The following MKLN1 variants were observed in gnomAD, a reference collection of about 807,000 sequenced individuals.
MKLN1 encodes muskelin 1.
In MKLN1, 18 loss-of-function variants were observed where a neutral mutation model predicts 99.0. The ratio of observed to expected loss-of-function variants is 0.18; its 90% CI spans 0.13 to 0.27. The LOEUF is 0.27. Among genes scored for constraint, MKLN1 ranks in the 10% least tolerant of loss-of-function variants. The pLI, the probability that MKLN1 is intolerant of heterozygous loss-of-function variation, is 1.00. For missense variants in MKLN1, 621 were observed against 875.9 expected (o/e 0.71, Z 3.67); for synonymous variants, 288 against 293.2 (o/e 0.98, Z 0.18).
intron 1 of MKLN1, among the ~76,000 whole-genome samples, chr7:131,135,288 A>G (rs1795631855): frequency 6.6e-6 from 1 of 151,932 alleles, no homozygotes; most frequent in Admixed American, 6.6e-5. Context: ...ACGCCCGGCT[A>G]ATTTTTGTAT....
In MKLN1 at chr7:131,217,593, G is replaced by A. The variant is rs566338173; in HGVS notation, c.-179+14619G>A. 5.3e-5 allele frequency among the ~76,000 whole-genome samples: 8 copies of A among 152,370 alleles called. No homozygotes were observed. In the South Asian group the frequency reaches 1.7e-3, roughly 32 times the overall value. ...GGCACCTGTAATCCCGGCTACTCAG[G>A]AGGCTGAGGCAGGCAAATTGCTTGA... On this transcript the variant is annotated intron_variant, in intron 3 of 7. Coordinates refer to the MKLN1 transcript ENST00000416992.
At chr7:131,480,194 T>C (rs2116683147) in intron 17 of MKLN1, among the ~76,000 whole-genome samples, 1 of 152,336 alleles carries the variant, frequency 6.6e-6, no homozygotes, top group African/African-American at 2.4e-5. Flanking sequence ...TTTCCTCTGG[T>C]CAGTGAATGC....
chr7:131,472,618 G>GTT (rs2116649682), intron 16 of MKLN1, among the ~76,000 whole-genome samples: 1 of 152,150 alleles, frequency 6.6e-6, no homozygotes, highest in African/African-American at 2.4e-5. Flanking sequence ...GTGTGTGTGT[G>GTT]TGTGTGTTGG....
chr7:131,475,628 A>G (rs1167000548), intron 16 of MKLN1, among the ~76,000 whole-genome samples: 1 of 152,160 alleles, frequency 6.6e-6, no homozygotes, highest in Admixed American at 6.5e-5. Context: ...CTTGGGCAAC[A>G]TAGCAAAAAC....
At chr7:131,245,775 A>C (rs933808478) in intron 3 of MKLN1, among the ~76,000 whole-genome samples, 1 of 152,210 alleles carries the variant, frequency 6.6e-6, no homozygotes, top group African/African-American at 2.4e-5. Flanking sequence ...AGTGCACTCT[A>C]TGATGTTCAA....
At chr7:131,185,569 T>A (rs1033023497) in intron 2 of MKLN1, among the ~76,000 whole-genome samples, 2 of 151,400 alleles carry the variant, frequency 1.3e-5, no homozygotes, top group Admixed American at 6.6e-5. Context: ...CAGAGCAAGA[T>A]TCCATCTCAA....
At position 131,425,208 on chromosome 7, in the gene MKLN1, G is replaced by C. The variant is rs116781040; in HGVS notation, c.848-3825G>C. Among the ~76,000 whole-genome samples, 587 of 152,248 alleles carry C rather than the reference G, an allele frequency of 3.9e-3. 7 individuals carry two copies. Among genetic ancestry groups the C allele is most frequent in the African/African-American group, 0.014 (564 of 41,522 alleles). ...ATTGTAGCCAAGATCTGCCTGACTA[G>C]AGTACATGTTCATTAAAACACTTTT... is the stretch of plus-strand genomic sequence containing the variant. On this transcript the variant is annotated intron_variant, in intron 8 of 17. Coordinates refer to ENST00000352689, the MANE Select transcript of MKLN1 (RefSeq NM_013255.5).
intron 1 of MKLN1, among the ~76,000 whole-genome samples, chr7:131,132,125 T>C (rs1057386185): frequency 6.6e-6 from 1 of 152,228 alleles, no homozygotes; most frequent in Non-Finnish European, 1.5e-5. Context: ...TAAAAGTCAA[T>C]TGTGTAAATG....
At chr7:131,301,986 T>G (rs1798382674) in intron 3 of MKLN1, among the ~76,000 whole-genome samples, 2 of 152,292 alleles carry the variant, frequency 1.3e-5, no homozygotes, top group Non-Finnish European at 2.9e-5. Context: ...TATGACAACT[T>G]TCATGTGAAA....
chr7:131,416,280 CTGTGTTAA>C (rs1795012466), intron 8 of MKLN1, among the ~76,000 whole-genome samples: 1 of 152,086 alleles, frequency 6.6e-6, no homozygotes, highest in Non-Finnish European at 1.5e-5. Flanking sequence ...ATAGTGCTTA[CTGTGTTAA>C]TTATTATGAG....
At chr7:131,432,141 G>A (rs1326379938) in intron 9 of MKLN1, among the ~76,000 whole-genome samples, 3 of 152,142 alleles carry the variant, frequency 2.0e-5, no homozygotes, top group Non-Finnish European at 4.4e-5. Context: ...TCTTTAAAAT[G>A]TATGTATTTT....
chr7:131,201,438 A>G (rs545072037), intron 2 of MKLN1, among the ~76,000 whole-genome samples: 1 of 152,358 alleles, frequency 6.6e-6, no homozygotes, highest in African/African-American at 2.4e-5. Context: ...AAACTACATG[A>G]TCATATCTCT....
intron 3 of MKLN1, among the ~76,000 whole-genome samples, chr7:131,245,513 G>C (rs193171291): frequency 6.6e-6 from 1 of 151,898 alleles, no homozygotes; most frequent in Non-Finnish European, 1.5e-5. Flanking sequence ...GGTGATCCGC[G>C]CCCCCCGCCC....
At chr7:131,396,580 T>A (rs560277330) in intron 4 of MKLN1, among the ~76,000 whole-genome samples, 16 of 152,284 alleles carry the variant, frequency 1.1e-4, no homozygotes, top group African/African-American at 3.8e-4. Context: ...TGATGCTTTT[T>A]AAAAAAATCT....
intron 3 of MKLN1, among the ~76,000 whole-genome samples, chr7:131,283,797 T>C (rs554844140): frequency 1.5e-4 from 23 of 152,312 alleles, no homozygotes; most frequent in African/African-American, 5.3e-4. Context: ...ACTGTGAGTG[T>C]CCTTCCCACA....
chr7:131,328,187 CG>C, intron 1 of MKLN1, 190 bp downstream of exon 1: 1 of 694,950 alleles, frequency 1.4e-6, no homozygotes, highest in Non-Finnish European at 2.3e-6. Context: ...GGTTAGGGTC[CG>C]GAGAGCGAGC....
In MKLN1 at chr7:131,414,639, C is replaced by T; in HGVS notation, c.782-6C>T. ...CCTTTAAAAGAAACTATTATTTCTT[C>T]TAAAGGTGATGGGGAAGATAACCGT... On this transcript the variant is annotated splice_polypyrimidine_tract_variant and splice_region_variant and intron_variant, in intron 7 of 17. Transcript: ENST00000352689. 1.3e-6 allele frequency: 2 copies of T among 1,589,262 alleles called. No individual in the cohort carries two copies. Among genetic ancestry groups the T allele is most frequent in the Non-Finnish European group, 1.7e-6 (2 of 1,161,236 alleles).
At chr7:131,380,420 CTG>C (rs897620053) in intron 2 of MKLN1, among the ~76,000 whole-genome samples, 4 of 152,084 alleles carry the variant, frequency 2.6e-5, no homozygotes, top group African/African-American at 4.8e-5. Context: ...GAACTGAAAA[CTG>C]TATTAAAAAA....
In MKLN1 at chr7:131,327,893, T is replaced by A; in HGVS notation, c.-7T>A. On this transcript the variant is annotated 5_prime_UTR_variant, in exon 1 of 18. Transcript: ENST00000352689. ...CGGTCGGTGGCGGCCGCTACGGTGC[T>A]GACAAGATGGCGGCTGGCGGAGCTG... The A allele has an allele frequency of 6.2e-7, 1 of 1,611,974 alleles. No individual in the cohort carries two copies.
Sources: allele counts gnomAD v4.1 joint callset (sites outside exome capture counted in the v4.1 genomes callset), GRCh38; gene constraint gnomAD v4.1.1; transcripts MANE v1.5; gene names NCBI Gene and HGNC (gene_info 2026-07-23, HGNC 2026-07-21).